FYB1: variants seen among roughly 807,000 people sequenced by gnomAD.
The protein encoded by FYB1 is FYN-binding protein 1.
A neutral mutation model predicts 94.1 loss-of-function variants in FYB1; 41 were observed. The ratio of observed to expected loss-of-function variants is 0.44; its 90% CI spans 0.34 to 0.57. FYB1 has a LOEUF of 0.57. Ranked by LOEUF, FYB1 falls within the 20% of genes least tolerant of loss-of-function variation. The probability of loss-of-function intolerance (pLI) is 0.02; values close to 1 mark genes in which losing one functional copy is unlikely to be tolerated. For synonymous variants in FYB1, 367 were observed against 353.2 expected (o/e 1.04, Z -0.44); for missense variants, 1,050 against 976.8 (o/e 1.07, Z -1.00).
chr5:39,177,883 G>A (rs914780408), intron 2 of FYB1, among the ~76,000 whole-genome samples: 2 of 152,160 alleles, frequency 1.3e-5, no homozygotes, highest in Non-Finnish European at 2.9e-5. Flanking sequence ...TTTTTGCAAA[G>A]CTGTTCTCAC....
intron 1 of FYB1, among the ~76,000 whole-genome samples, chr5:39,210,359 G>A (rs1427360870): frequency 1.3e-5 from 2 of 152,196 alleles, no homozygotes; most frequent in African/African-American, 2.4e-5. Context: ...TTATCTCCTG[G>A]TCTGGTGTTA....
chr5:39,223,225 G>T (rs1200626694), upstream of FYB1, among the ~76,000 whole-genome samples: 2 of 152,068 alleles, frequency 1.3e-5, no homozygotes, highest in African/African-American at 4.8e-5. Context: ...CCAATTTTCT[G>T]AACTGGAGAA....
intron 2 of FYB1, among the ~76,000 whole-genome samples, chr5:39,190,754 C>A (rs1471240997): frequency 7.9e-6 from 1 of 126,986 alleles, no homozygotes; most frequent in Admixed American, 9.0e-5. Flanking sequence ...GACTGAGGAG[C>A]AAACCATGCT....
intron 2 of FYB1, chr5:39,169,736 G>A: frequency 2.1e-6 from 1 of 476,246 alleles, no homozygotes; most frequent in South Asian, 1.7e-5. Flanking sequence ...CATGTGATTT[G>A]CCATCTTCAT....
chr5:39,251,225 T>A (rs1287473765), intron 1 of FYB1, among the ~76,000 whole-genome samples: 2 of 152,180 alleles, frequency 1.3e-5, no homozygotes, highest in East Asian at 3.9e-4. Context: ...TAGTGTTTAA[T>A]CCTGAAGGAA....
At chr5:39,124,308 T>A (rs1174459625) in intron 12 of FYB1, 30 bp from the exon 13 acceptor site, 1 of 1,510,016 alleles carries the variant, frequency 6.6e-7, no homozygotes, top group Non-Finnish European at 8.9e-7. Context: ...ACAATTATAA[T>A]CAGACTAACA....
intron 1 of FYB1, among the ~76,000 whole-genome samples, chr5:39,213,685 A>G (rs1436006632): frequency 1.3e-5 from 2 of 152,118 alleles, no homozygotes; most frequent in Non-Finnish European, 2.9e-5. Flanking sequence ...TGTGGGGGTG[A>G]GGTGTTTAGG....
upstream of FYB1, among the ~76,000 whole-genome samples, chr5:39,224,544 TTC>T (rs1251447507): frequency 1.3e-5 from 2 of 152,194 alleles, no homozygotes; most frequent in Non-Finnish European, 2.9e-5. Flanking sequence ...CTGATCACAG[TTC>T]ATTAAAGGTG....
chr5:39,223,204 G>A (rs1257467404), upstream of FYB1, among the ~76,000 whole-genome samples: 1 of 151,948 alleles, frequency 6.6e-6, no homozygotes, highest in Admixed American at 6.5e-5. Context: ...ACATGCTTTG[G>A]CTACAGGCAA....
chr5:39,156,281 A>G (rs1309074304), intron 2 of FYB1, among the ~76,000 whole-genome samples: 6 of 152,066 alleles, frequency 3.9e-5, no homozygotes, highest in Admixed American at 3.3e-4. Context: ...CTCGACATCT[A>G]TTCTCCTTTC....
chr5:39,240,714 T>A (rs1751166969), intron 1 of FYB1, among the ~76,000 whole-genome samples: 1 of 152,210 alleles, frequency 6.6e-6, no homozygotes, highest in Non-Finnish European at 1.5e-5. Flanking sequence ...ATTTACACAG[T>A]GCTGGTGGAT....
intron 1 of FYB1, among the ~76,000 whole-genome samples, chr5:39,258,722 T>A (rs781252984): frequency 6.6e-6 from 1 of 152,142 alleles, no homozygotes; most frequent in Non-Finnish European, 1.5e-5. Context: ...AAATGAAAGC[T>A]TTTGGCTCTC....
At chr5:39,258,708 T>C (rs1300060242) in intron 1 of FYB1, among the ~76,000 whole-genome samples, 1 of 152,128 alleles carries the variant, frequency 6.6e-6, no homozygotes, top group South Asian at 2.1e-4. Flanking sequence ...AACTTCTGGT[T>C]AGTAAATGAA....
chr5:39,248,611 G>T (rs1751583817), intron 1 of FYB1, among the ~76,000 whole-genome samples: 1 of 152,104 alleles, frequency 6.6e-6, no homozygotes, highest in African/African-American at 2.4e-5. Context: ...GGCTGAGGTG[G>T]GGATCACTTG....
intron 1 of FYB1, among the ~76,000 whole-genome samples, chr5:39,210,032 C>T (rs958699784): frequency 1.1e-4 from 16 of 152,256 alleles, no homozygotes; most frequent in Admixed American, 6.5e-5. Context: ...GAACTTGACT[C>T]TCGCCGCAAA....
At chr5:39,132,066 CATATTT>C (rs1741249448) in intron 9 of FYB1, among the ~76,000 whole-genome samples, 1 of 152,098 alleles carries the variant, frequency 6.6e-6, no homozygotes. Flanking sequence ...TTCAATGTTT[CATATTT>C]ACTGTAGATA....
chr5:39,117,124 A>G (rs2150273237), intron 16 of FYB1, among the ~76,000 whole-genome samples: 1 of 152,306 alleles, frequency 6.6e-6, no homozygotes, highest in Middle Eastern at 3.4e-3. Context: ...CAGAAAATAC[A>G]TCATTTAGAC....
chr5:39,141,226 A>G, intron 3 of FYB1, 85 bp from the exon 4 acceptor site: 1 of 950,814 alleles, frequency 1.1e-6, no homozygotes, highest in South Asian at 1.5e-5. Context: ...TTATTTCATG[A>G]ATTGTTCTTT....
chr5:39,186,855 C>T (rs1458807105), intron 2 of FYB1, among the ~76,000 whole-genome samples: 2 of 151,636 alleles, frequency 1.3e-5, no homozygotes, highest in East Asian at 3.9e-4. Flanking sequence ...CCTTTTAATC[C>T]TAACAATAAT....
Sources: gnomAD v4.1 joint callset for allele counts (sites outside exome capture counted in the v4.1 genomes callset) on GRCh38, gnomAD v4.1.1 for gene constraint, MANE v1.5 for transcripts, NCBI Gene and HGNC (gene_info 2026-07-23, HGNC 2026-07-21) for gene names.